LARS1: variants seen among roughly 807,000 people sequenced by gnomAD.
LARS1 encodes the protein leucyl-tRNA synthetase 1.
Under a neutral mutation model 162.8 loss-of-function variants are expected in LARS1, and 100 were observed. That is an observed-to-expected ratio of 0.61 (90% CI 0.52 to 0.73). The LOEUF (loss-of-function observed/expected upper bound fraction) is 0.73. Among genes scored for constraint, LARS1 ranks in the 30% least tolerant of loss-of-function variants. The pLI, the probability that LARS1 is intolerant of heterozygous loss-of-function variation, is 0.00. For synonymous variants in LARS1, 457 were observed against 462.8 expected (o/e 0.99, Z 0.16); for missense variants, 1,258 against 1,408.9 (o/e 0.89, Z 1.71).
chr5:146,171,406 A>G (rs1024881330), intron 4 of LARS1, among the ~76,000 whole-genome samples: 2 of 152,114 alleles, frequency 1.3e-5, no homozygotes, highest in African/African-American at 4.8e-5. Context: ...TGGAGAATAA[A>G]AAGAAATAGG....
chr5:146,137,177 CGT>C (rs1165526916), intron 21 of LARS1, among the ~76,000 whole-genome samples: 2 of 152,198 alleles, frequency 1.3e-5, no homozygotes, highest in Admixed American at 1.3e-4. Flanking sequence ...GGATTATAGG[CGT>C]GAGTCACCGC....
chr5:146,157,487 G>A lies in LARS1; in HGVS notation c.981C>T (p.Thr327=), dbSNP rs762854592. 2 of 1,613,752 alleles carry A rather than the reference G, an allele frequency of 1.2e-6. No homozygotes were observed. The highest frequency in any genetic ancestry group is 1.1e-5 in the South Asian group (1 of 91,048). The change falls in exon 10 of 32, where the codon ACC becomes ACT. Residue 327 remains threonine (T), a synonymous_variant. Coordinates refer to ENST00000394434, the MANE Select transcript of LARS1 (RefSeq NM_020117.11). ...ETVNGDIFIC[T]QKAARNMSYQ... ...ATGACATATTCCTGGCTGCTTTTTG[G>A]GTACAGATGAATATATCACCATTCA...
At chr5:146,136,643 A>G (rs1752512242) in intron 21 of LARS1, among the ~76,000 whole-genome samples, 2 of 152,104 alleles carry the variant, frequency 1.3e-5, no homozygotes, top group South Asian at 2.1e-4. Context: ...CATCATGCCC[A>G]GCTAATTTTT....
rs763737203 is a variant in LARS1 at position 146,114,128 on chromosome 5, G to T, written c.3509C>A (p.Thr1170Lys). The T allele has an allele frequency of 1.9e-6, 3 of 1,613,302 alleles. No individual in the cohort carries two copies. Among genetic ancestry groups the T allele is most frequent in the East Asian group, 4.5e-5 (2 of 44,870 alleles). Residue 1170 changes from threonine to lysine, a missense_variant, in exon 32 of 32, where the codon ACA becomes AAA. Coordinates refer to ENST00000394434, the MANE Select transcript of LARS1 (RefSeq NM_020117.11). ...AGTTTAATGAACCAGATAGATTATT[G>T]TATCGCCAATATCCACCCTTATCCC... Reference protein sequence around the residue: ...ENGIRVDIGDTIIYLVH With the variant: ...ENGIRVDIGDKIIYLVH
chr5:146,168,490 T>G (rs780872469), intron 4 of LARS1, among the ~76,000 whole-genome samples: 11 of 151,824 alleles, frequency 7.2e-5, no homozygotes, highest in African/African-American at 1.7e-4. Context: ...TTGTCAGGAG[T>G]TCGAGACCAG....
chr5:146,130,844 A>G (rs1268779017), intron 24 of LARS1, 175 bp downstream of exon 24: 1 of 452,262 alleles, frequency 2.2e-6, no homozygotes, highest in Non-Finnish European at 3.9e-6. Flanking sequence ...TAGAAAAAAT[A>G]CCAAAGATAA....
In LARS1 at chr5:146,151,993, T is replaced by C. The variant is rs1400007505; in HGVS notation, c.1294A>G (p.Ile432Val). 4 of 1,613,898 alleles carry C rather than the reference T, an allele frequency of 2.5e-6. No homozygotes were observed. The South Asian group carries it at 3.3e-5, about 13-fold the overall frequency. The change falls in exon 14 of 32, where the codon ATT becomes GTT. Residue 432 changes from isoleucine to valine, a missense_variant. Physicochemically the swap from Ile to Val is conservative, Grantham distance 29. Coordinates refer to ENST00000394434, the MANE Select transcript of LARS1 (RefSeq NM_020117.11). ...AGATTTCCAAAACCTGGGATTTCAA[T>C]GACTGGCACCTGCAGCAAACAGCAA... ...MVLPFEPVPVIEIPGFGNLSA... is the reference protein window; with the variant it reads ...MVLPFEPVPVVEIPGFGNLSA...
At chr5:146,174,569 TCC>T (rs1754457483) in intron 2 of LARS1, among the ~76,000 whole-genome samples, 1 of 73,756 alleles carries the variant, frequency 1.4e-5, no homozygotes, top group African/African-American at 4.1e-5. Flanking sequence ...TATATATATA[TCC>T]ATATATGTAT....
rs574579334 is a variant in LARS1, at chr5:146,142,285, T to A, written c.2090+587A>T. On this transcript the variant is annotated intron_variant, in intron 20 of 31. Coordinates refer to ENST00000394434, the MANE Select transcript of LARS1 (RefSeq NM_020117.11). ...CCTGGACTCTGTCTCAAAAAAAAAATTATTTTATTCCTCTACTCCAAAATC... is the reference window on the plus strand; with the variant it reads ...CCTGGACTCTGTCTCAAAAAAAAAAATATTTTATTCCTCTACTCCAAAATC... 3.1e-3 allele frequency among the ~76,000 whole-genome samples: 470 copies of A among 151,196 alleles called. 2 individuals are homozygous for A. Among genetic ancestry groups the A allele is most frequent in the Middle Eastern group, 0.01 (3 of 294 alleles).
intron 10 of LARS1, 122 bp downstream of exon 10, chr5:146,157,281 T>A: frequency 1.3e-6 from 1 of 794,696 alleles, no homozygotes; most frequent in East Asian, 2.6e-5. Flanking sequence ...ACACAAGACT[T>A]ACACAGTTTA....
chr5:146,129,003 T>C lies in LARS1; in HGVS notation c.2744A>G (p.Asn915Ser), dbSNP rs1160167864. 1.9e-6 allele frequency: 3 copies of C among 1,601,538 alleles called. No homozygotes were observed. The highest frequency in any genetic ancestry group is 2.5e-6 in the Non-Finnish European group (3 of 1,176,550). ...CTTCCCTTTAGCTGGCATCATATAG[T>C]TCTTGAGTCGTAGTCTAAGGTCATG... ...VTHDLRLRLKNYMMPAKGKKT... is the reference protein window; with the variant it reads ...VTHDLRLRLKSYMMPAKGKKT... Residue 915 changes from asparagine to serine, a missense_variant, in exon 26 of 32, where the codon AAC (asparagine) becomes AGC (serine). Transcript: ENST00000394434.
At chr5:146,131,880 T>G (rs1159154208) in intron 23 of LARS1, 1 of 152,262 alleles carries the variant, frequency 6.6e-6, no homozygotes, top group African/African-American at 2.4e-5. Context: ...CTTCTTAATT[T>G]GGCCTAATCT....
At chr5:146,132,240 G>C (rs1208702134) in intron 23 of LARS1, 1 of 152,196 alleles carries the variant, frequency 6.6e-6, no homozygotes, top group South Asian at 2.1e-4. Context: ...ACCTGGCAGA[G>C]GCTGCAGTGA....
At chr5:146,125,322 A>T (rs912740483) in intron 28 of LARS1, among the ~76,000 whole-genome samples, 6 of 152,040 alleles carry the variant, frequency 3.9e-5, no homozygotes, top group Non-Finnish European at 8.8e-5. Flanking sequence ...CTTTGGTCTA[A>T]GAGAATTAAA....
rs367974584 is a variant in LARS1, at chr5:146,123,989, G to C, written c.3089C>G (p.Ser1030Trp). ...AATCCCTGGCCCTCTTACCTCAAGC[G>C]AATTAGTCAGATAGACTATATTCTC... ...LMENIVYLTN[S>W]LELEHIEVKF... The change falls in exon 29 of 32, where the codon TCG becomes TGG. Residue 1030 changes from serine (S) to tryptophan (W), a missense_variant. Ser to Trp is a radical substitution (Grantham distance 177). Coordinates refer to ENST00000394434, the MANE Select transcript of LARS1 (RefSeq NM_020117.11). The C allele has an allele frequency of 2.5e-6, 4 of 1,588,070 alleles. No individual in the cohort carries two copies. Among genetic ancestry groups the C allele is most frequent in the Non-Finnish European group, 3.5e-6 (4 of 1,158,320 alleles).
Position 146,168,160 on chromosome 5 carries a change from T to C in LARS1, c.400A>G (p.Ile134Val), listed in dbSNP as rs770241652. The change falls in exon 5 of 32, where the codon ATA becomes GTA. Residue 134 changes from isoleucine to valine, a missense_variant. Physicochemically the swap from Ile to Val is conservative, Grantham distance 29. Coordinates refer to ENST00000394434, the MANE Select transcript of LARS1 (RefSeq NM_020117.11). ...EEETSVKTEDIIIKDKAKGKK... is the reference protein window; with the variant it reads ...EEETSVKTEDVIIKDKAKGKK... Reference sequence around the variant, plus strand: ...CCTTTAGCTTTATCCTTAATTATTATATCTTCTGTTTTAACACTGGTTTCT... The same window carrying C: ...CCTTTAGCTTTATCCTTAATTATTACATCTTCTGTTTTAACACTGGTTTCT... 2 of 1,609,466 alleles carry C rather than the reference T, an allele frequency of 1.2e-6. No homozygotes were observed. The highest frequency in any genetic ancestry group is 8.5e-7 in the Non-Finnish European group (1 of 1,176,112).
At chr5:146,164,169 C>T (rs1044567852) in intron 6 of LARS1, 141 bp downstream of exon 6, 2 of 733,736 alleles carry the variant, frequency 2.7e-6, no homozygotes, top group African/African-American at 1.8e-5. Context: ...AAAAATGGTG[C>T]CACTAGACTT....
intron 6 of LARS1, 24 bp from the exon 7 acceptor site, chr5:146,160,510 G>A: frequency 7.8e-7 from 1 of 1,284,274 alleles, no homozygotes; most frequent in Non-Finnish European, 1.1e-6. Context: ...ATTTTAAAAG[G>A]CAATTACTGA....
At chr5:146,132,222 T>C (rs999181723) in intron 23 of LARS1, 2 of 152,004 alleles carry the variant, frequency 1.3e-5, no homozygotes, top group Admixed American at 1.3e-4. Context: ...GGCAGAAGAA[T>C]AGCTTGAACC....
Sources: allele counts gnomAD v4.1 joint callset (sites outside exome capture counted in the v4.1 genomes callset), GRCh38; gene constraint gnomAD v4.1.1; transcripts MANE v1.5; gene names NCBI Gene and HGNC (gene_info 2026-07-23, HGNC 2026-07-21).